SYT10: variants seen among roughly 807,000 people sequenced by gnomAD.
The protein encoded by SYT10 is synaptotagmin 10, also known as synaptotagmin-10.
Under a neutral mutation model 51.1 loss-of-function variants are expected in SYT10, and 31 were observed. The ratio of observed to expected loss-of-function variants is 0.61; its 90% CI spans 0.46 to 0.82. The LOEUF (loss-of-function observed/expected upper bound fraction) is 0.82, where lower values mean the gene tolerates loss of function less well. Among genes scored for constraint, SYT10 ranks in the 40% least tolerant of loss-of-function variants. The probability of loss-of-function intolerance (pLI) is 0.00; values close to 1 mark genes in which losing one functional copy is unlikely to be tolerated. For missense variants in SYT10, 603 were observed against 634.0 expected (o/e 0.95, Z 0.53); for synonymous variants, 233 against 225.9 (o/e 1.03, Z -0.28).
chr12:33,427,311 C>A (rs1222281564), intron 1 of SYT10, among the ~76,000 whole-genome samples: 1 of 152,074 alleles, frequency 6.6e-6, no homozygotes, highest in African/African-American at 2.4e-5. Flanking sequence ...ATCTATGAAC[C>A]AGGAAATGGG....
intron 2 of SYT10, 46 bp downstream of exon 2, chr12:33,426,092 A>ATG (rs1555117367): frequency 3.5e-5 from 53 of 1,497,972 alleles, no homozygotes; most frequent in Non-Finnish European, 4.4e-5. Context: ...ACACACACAC[A>ATG]CACACACGCA....
rs200625280 is a variant in SYT10, at chr12:33,385,121, A to G, written c.1198+50T>C. ...CATGTATCATTTTTAGATACATGAAATATTTCATTTGAGATTGTGCCCTTG... is the reference window on the plus strand; with the variant it reads ...CATGTATCATTTTTAGATACATGAAGTATTTCATTTGAGATTGTGCCCTTG... On this transcript the variant is annotated intron_variant, in intron 4 of 6. Transcript: ENST00000228567. 1.6e-4 allele frequency: 261 copies of G among 1,595,264 alleles called. 2 individuals carry two copies. The African/African-American group carries it at 3.0e-3, about 19-fold the overall frequency.
At position 33,381,903 on chromosome 12, in the gene SYT10, G is replaced by A. The variant is rs79253485; in HGVS notation, c.1370+446C>T. Among the ~76,000 whole-genome samples the A allele has an allele frequency of 1.2e-4, 18 of 152,254 alleles. No homozygotes were observed. The East Asian group carries it at 3.5e-3, about 29-fold the overall frequency. ...CTTACTCCTCGTTGTTCACAGTTCT[G>A]TATGATGCTTAAGTTTTACAAATGG... On this transcript the variant is annotated intron_variant, in intron 5 of 6. Transcript: ENST00000228567.
intron 1 of SYT10, among the ~76,000 whole-genome samples, chr12:33,427,496 G>T (rs1866562718): frequency 6.6e-6 from 1 of 152,120 alleles, no homozygotes. Context: ...CATAATTACA[G>T]TGTTGTAGCT....
chr12:33,390,655 T>C (rs1866196705), intron 3 of SYT10, among the ~76,000 whole-genome samples: 1 of 151,946 alleles, frequency 6.6e-6, no homozygotes, highest in South Asian at 2.1e-4. Context: ...TATGTACATA[T>C]GTATGTGTAT....
rs540536896 is a variant in SYT10 at position 33,399,881 on chromosome 12, G to C, written c.1077+6908C>G. Among the ~76,000 whole-genome samples the C allele has an allele frequency of 3.9e-5, 6 of 152,294 alleles. No individual in the cohort carries two copies. In the South Asian group the frequency reaches 1.2e-3, roughly 32 times the overall value. On this transcript the variant is annotated intron_variant, in intron 3 of 6. Transcript: ENST00000228567. ...TTGAGTTAATCTATCATCAGTTACT[G>C]GTGGCCCATAAGCAGACGTGTAATC...
intron 2 of SYT10, among the ~76,000 whole-genome samples, chr12:33,411,054 T>C (rs1039984374): frequency 1.3e-5 from 2 of 152,116 alleles, no homozygotes; most frequent in East Asian, 1.9e-4. Context: ...GAGAAGTGAG[T>C]AATGCATTCA....
chr12:33,396,939 A>G (rs149141887), intron 3 of SYT10, among the ~76,000 whole-genome samples: 1 of 152,276 alleles, frequency 6.6e-6, no homozygotes, highest in Admixed American at 6.5e-5. Context: ...TGCTGGGCCC[A>G]GAATTCCACA....
At chr12:33,435,354 T>C (rs1866629637) in intron 1 of SYT10, among the ~76,000 whole-genome samples, 1 of 152,228 alleles carries the variant, frequency 6.6e-6, no homozygotes, top group African/African-American at 2.4e-5. Flanking sequence ...GAGATCTTCT[T>C]GGCTTTGAAG....
rs1398691399 is a variant in SYT10, at chr12:33,439,818, G to C, written c.-296C>G. ...GCTGGAACTAGAGACCCGGCATGGA[G>C]TGCTGAGGGGAGGGGGGAGCCGTAA... On this transcript the variant is annotated 5_prime_UTR_variant, in exon 1 of 7. Transcript: ENST00000228567. 5.5e-6 allele frequency: 2 copies of C among 361,558 alleles called. No homozygotes were observed. Among genetic ancestry groups the C allele is most frequent in the Admixed American group, 9.0e-5 (2 of 22,316 alleles). 22.4% of individuals were successfully genotyped at this position (361,558 alleles called of 1,614,324 possible). A position where few individuals can be genotyped will look rare whatever the true frequency, so the allele number is the denominator to read the frequency against.
intron 3 of SYT10, among the ~76,000 whole-genome samples, chr12:33,390,568 C>T (rs1214189777): frequency 2.6e-5 from 4 of 151,022 alleles, no homozygotes; most frequent in African/African-American, 9.8e-5. Flanking sequence ...ACTCCACCCT[C>T]TATATATATA....
intron 3 of SYT10, among the ~76,000 whole-genome samples, chr12:33,388,823 T>G (rs1591983170): frequency 6.6e-6 from 1 of 152,224 alleles, no homozygotes; most frequent in Non-Finnish European, 1.5e-5. Flanking sequence ...ATAAAGTTTT[T>G]TCCATGTAGT....
intron 3 of SYT10, among the ~76,000 whole-genome samples, chr12:33,401,725 T>G (rs1205865661): frequency 1.3e-5 from 2 of 152,222 alleles, no homozygotes; most frequent in Non-Finnish European, 2.9e-5. Context: ...CTTGTTTATT[T>G]GTAATCAATA....
intron 3 of SYT10, among the ~76,000 whole-genome samples, chr12:33,388,167 T>A (rs7974936): frequency 0.21 from 32,101 of 152,122 alleles, 3,657 homozygotes; most frequent in South Asian, 0.29. Context: ...AATTGGAATC[T>A]TTTTGTATTA....
chr12:33,389,871 A>G (rs775548482), intron 3 of SYT10, among the ~76,000 whole-genome samples: 3 of 152,214 alleles, frequency 2.0e-5, no homozygotes, highest in Non-Finnish European at 4.4e-5. Context: ...ATACAGACCC[A>G]GAGTGGGTCT....
At chr12:33,379,072 C>G (rs1866090937) in intron 6 of SYT10, among the ~76,000 whole-genome samples, 1 of 152,068 alleles carries the variant, frequency 6.6e-6, no homozygotes, top group Non-Finnish European at 1.5e-5. Context: ...AGATTAGAAC[C>G]TCGTCCCACT....
Position 33,392,295 on chromosome 12 carries a change from T to C in SYT10, c.1078-7004A>G, listed in dbSNP as rs544115878. ...CCCCAGCCAGACAGCACATGCAGTC[T>C]ACTGACTCTAGATGGCAAATGGGAG... On this transcript the variant is annotated intron_variant, in intron 3 of 6. Transcript: ENST00000228567. Among the ~76,000 whole-genome samples, 18 of 152,316 alleles carry C rather than the reference T, an allele frequency of 1.2e-4. No individual in the cohort carries two copies. The East Asian group carries it at 2.9e-3, about 24-fold the overall frequency.
chr12:33,381,349 T>C (rs1866113355), intron 5 of SYT10, among the ~76,000 whole-genome samples: 2 of 152,182 alleles, frequency 1.3e-5, no homozygotes, highest in African/African-American at 4.8e-5. Context: ...TACAGGGTCC[T>C]GGTGATGATA....
At chr12:33,400,247 A>T (rs1866290948) in intron 3 of SYT10, among the ~76,000 whole-genome samples, 1 of 152,216 alleles carries the variant, frequency 6.6e-6, no homozygotes. Context: ...TGATCCTATG[A>T]TTGATCCAGG....
Sources: gnomAD v4.1 joint callset for allele counts (sites outside exome capture counted in the v4.1 genomes callset) on GRCh38, gnomAD v4.1.1 for gene constraint, MANE v1.5 for transcripts, NCBI Gene and HGNC (gene_info 2026-07-23, HGNC 2026-07-21) for gene names.